The following PIEZO1 variants were observed in gnomAD, a reference collection of about 807,000 sequenced individuals.
The protein encoded by PIEZO1 is piezo type mechanosensitive ion channel component 1 (Er blood group).
Under a neutral mutation model 297.2 loss-of-function variants are expected in PIEZO1, and 296 were observed. The observed-to-expected ratio is 1.00, with a 90% confidence interval of 0.91 to 1.10. PIEZO1 has a LOEUF of 1.10. Among genes scored for constraint, PIEZO1 ranks in the 50% least tolerant of loss-of-function variants. The probability of loss-of-function intolerance (pLI) is 0.00; values close to 1 mark genes in which losing one functional copy is unlikely to be tolerated. For synonymous variants in PIEZO1, 2,427 were observed against 1,507.5 expected (o/e 1.61, Z -14.13); for missense variants, 5,018 against 3,455.5 (o/e 1.45, Z -11.34).
intron 34 of PIEZO1, 46 bp downstream of exon 34, chr16:88,722,791 G>T (rs117952640): frequency 7.8e-6 from 12 of 1,533,214 alleles, no homozygotes; most frequent in Non-Finnish European, 3.5e-6. Flanking sequence ...AGGCAGGGGC[G>T]TAGTCAGGCA....
intron 1 of PIEZO1, among the ~76,000 whole-genome samples, chr16:88,755,402 C>T (rs1597476033): frequency 6.6e-6 from 1 of 152,230 alleles, no homozygotes; most frequent in African/African-American, 2.4e-5. Flanking sequence ...GTCTAGTCCT[C>T]GTACGTTTCT....
rs62639699 is a variant in PIEZO1 at position 88,734,002 on chromosome 16, G to T, written c.2233C>A (p.Gln745Lys). 4 of 1,547,698 alleles carry T rather than the reference G, an allele frequency of 2.6e-6. No individual in the cohort carries two copies. Among genetic ancestry groups the T allele is most frequent in the Non-Finnish European group, 2.6e-6 (3 of 1,144,880 alleles). ...PLLREEQQEH[Q>K]QQQQEEEEEE... The stretch of plus-strand genomic sequence containing the variant: ...TCCTCCTCCTCCTGCTGCTGCTGCT[G>T]ATGCTCCTGCTGCTCCTCCCGCAGC... Residue 745 changes from glutamine to lysine, a missense_variant, in exon 17 of 51, where the codon CAG (glutamine) becomes AAG (lysine). By Grantham distance (53) the Gln-to-Lys change is moderately conservative. Transcript: ENST00000301015.
intron 1 of PIEZO1, among the ~76,000 whole-genome samples, chr16:88,783,173 T>A (rs578111181): frequency 2.6e-5 from 4 of 151,874 alleles, no homozygotes; most frequent in Non-Finnish European, 4.4e-5. Flanking sequence ...CAGTGATCCC[T>A]CCCCCAGATC....
At chr16:88,746,892 C>G (rs1290382772) in intron 2 of PIEZO1, among the ~76,000 whole-genome samples, 1 of 152,236 alleles carries the variant, frequency 6.6e-6, no homozygotes, top group Non-Finnish European at 1.5e-5. Context: ...ACAGACAGAA[C>G]CGGCTCCACA....
rs1567676028 is a variant in PIEZO1, at chr16:88,738,101, G to A, written c.853C>T (p.Leu285=). Reference sequence around the variant, plus strand: ...GGACCCACGAAGTCCTTGAGACCCAGCACCCTGTCCAGAGAAGACCCGTCA... The same window carrying A: ...GGACCCACGAAGTCCTTGAGACCCAACACCCTGTCCAGAGAAGACCCGTCA... ...LPPAGIWARV[L]GLKDFVGPTN... Residue 285 remains leucine (L), a synonymous_variant, in exon 8 of 51, where the codon CTG becomes TTG. Coordinates refer to ENST00000301015, the MANE Select transcript of PIEZO1 (RefSeq NM_001142864.4). 4.6e-6 allele frequency: 7 copies of A among 1,535,836 alleles called. No homozygotes were observed. The highest frequency in any genetic ancestry group is 5.2e-6 in the Non-Finnish European group (6 of 1,146,826).
At chr16:88,737,536 A>G in intron 10 of PIEZO1, 23 bp downstream of exon 10, 1 of 1,486,962 alleles carries the variant, frequency 6.7e-7, no homozygotes, top group Non-Finnish European at 9.1e-7. Context: ...ACCCAGCCAT[A>G]CCTTGCAGTG....
Position 88,720,031 on chromosome 16 carries a change from C to G in PIEZO1, c.6164+38G>C, listed in dbSNP as rs575200382. 2.1e-5 allele frequency: 33 copies of G among 1,549,200 alleles called. No individual in the cohort carries two copies. The African/African-American group carries it at 3.8e-4, about 18-fold the overall frequency. On this transcript the variant is annotated intron_variant, in intron 42 of 50. Transcript: ENST00000301015. ...GCAGGGCCCCCAGCCTGCACTGCCC[C>G]GCCCCTGGAGACCGAGCGCCCCCAC...
Position 88,723,086 on chromosome 16 carries a change from CCCACGTACCTG to C in PIEZO1, c.4493_4495+8del, listed in dbSNP as rs1381980798. The C allele has an allele frequency of 7.8e-6, 12 of 1,547,232 alleles. No homozygotes were observed. The highest frequency in any genetic ancestry group is 1.0e-5 in the Non-Finnish European group (12 of 1,146,586). On this transcript the variant is annotated splice_donor_variant and splice_donor_5th_base_variant and coding_sequence_variant and intron_variant, in exon 33 of 51. Transcript: ENST00000301015. LOFTEE classifies it high-confidence loss of function. ...AGACCTCCCACTCCCCAGCCCCGGG[CCCACGTACCTG>C]CCGCTGCCTCCTCGGGGCCCTCTGC...
chr16:88,727,689 G>T, intron 22 of PIEZO1, 28 bp from the exon 23 acceptor site: 1 of 1,225,040 alleles, frequency 8.2e-7, no homozygotes, highest in Non-Finnish European at 1.1e-6. Flanking sequence ...ATGTCAGGAA[G>T]GGCCGGGCCT....
intron 1 of PIEZO1, among the ~76,000 whole-genome samples, chr16:88,754,054 T>G (rs1297195006): frequency 6.6e-6 from 1 of 152,198 alleles, no homozygotes; most frequent in African/African-American, 2.4e-5. Context: ...TCAGCTGCAA[T>G]GGGATGGGGT....
At chr16:88,719,544 T>C in intron 44 of PIEZO1, 30 bp downstream of exon 44, 4 of 1,543,332 alleles carry the variant, frequency 2.6e-6, no homozygotes, top group Non-Finnish European at 3.5e-6. Flanking sequence ...CCCTGGCCCT[T>C]GTCCCGGCCC....
intron 44 of PIEZO1, chr16:88,717,717 G>A (rs547531420): frequency 4.8e-5 from 21 of 439,276 alleles, no homozygotes; most frequent in African/African-American, 3.3e-4. Context: ...CCATAGAATT[G>A]GAGAAATTTT....
chr16:88,758,339 G>A (rs1244890864), intron 1 of PIEZO1, among the ~76,000 whole-genome samples: 4 of 152,106 alleles, frequency 2.6e-5, no homozygotes, highest in Admixed American at 1.3e-4. Flanking sequence ...GACCAACATC[G>A]TGCTGCATCC....
At chr16:88,769,242 G>T (rs942683552) in intron 1 of PIEZO1, among the ~76,000 whole-genome samples, 1 of 152,136 alleles carries the variant, frequency 6.6e-6, no homozygotes, top group African/African-American at 2.4e-5. Context: ...ATAATGACGG[G>T]GGTCTCACTA....
chr16:88,722,543 C>G (rs749558897), intron 35 of PIEZO1, 40 bp downstream of exon 35: 306 of 1,456,942 alleles, frequency 2.1e-4, no homozygotes, highest in Non-Finnish European at 2.8e-4. Context: ...GCCCACACAC[C>G]AGGGGCAGCA....
Position 88,732,411 on chromosome 16 carries a change from C to A in PIEZO1, c.2915G>T (p.Arg972Leu). The A allele has an allele frequency of 6.5e-7, 1 of 1,549,774 alleles. No homozygotes were observed. Among genetic ancestry groups the A allele is most frequent in the Non-Finnish European group, 8.7e-7 (1 of 1,146,554 alleles). The change falls in exon 21 of 51, where the codon CGC becomes CTC. Residue 972 changes from arginine to leucine, a missense_variant. Physicochemically the swap from Arg to Leu is moderately radical, Grantham distance 102. Coordinates refer to ENST00000301015, the MANE Select transcript of PIEZO1 (RefSeq NM_001142864.4). ...PAQAVFASGT[R>L]QQLDQDLLGC... ...GAGCAGATCCTGGTCCAGCTGCTGG[C>A]GGGTGCCGCTGGCAAACACGGCCTG...
At chr16:88,762,794 C>T (rs942557688) in intron 1 of PIEZO1, among the ~76,000 whole-genome samples, 2 of 152,204 alleles carry the variant, frequency 1.3e-5, no homozygotes, top group African/African-American at 4.8e-5. Flanking sequence ...CAGCTTCAGC[C>T]GCCCTGCACA....
chr16:88,747,560 C>T (rs763535276), intron 2 of PIEZO1, among the ~76,000 whole-genome samples: 3 of 152,160 alleles, frequency 2.0e-5, no homozygotes, highest in South Asian at 2.1e-4. Context: ...CACAGCACCA[C>T]GAGCTAGGAG....
intron 1 of PIEZO1, among the ~76,000 whole-genome samples, chr16:88,755,930 T>A (rs1288773656): frequency 6.6e-6 from 1 of 151,950 alleles, no homozygotes; most frequent in South Asian, 2.1e-4. Flanking sequence ...ATTCCTGGGT[T>A]CCCAGCACAG....
Sources: allele counts gnomAD v4.1 joint callset (sites outside exome capture counted in the v4.1 genomes callset), GRCh38; gene constraint gnomAD v4.1.1; transcripts MANE v1.5; gene names NCBI Gene and HGNC (gene_info 2026-07-23, HGNC 2026-07-21).